The following ARHGEF12 variants were observed in gnomAD, a reference collection of about 807,000 sequenced individuals.
ARHGEF12 encodes the protein KMT2A/ARHGEF12 fusion protein.
In ARHGEF12, 66 loss-of-function variants were observed where a neutral mutation model predicts 211.2. The observed-to-expected ratio is 0.31, with a 90% CI of 0.26 to 0.38. The LOEUF is 0.38. Among genes scored for constraint, ARHGEF12 ranks in the 10% least tolerant of loss-of-function variants. The pLI, the probability that ARHGEF12 is intolerant of heterozygous loss-of-function variation, is 1.00. For synonymous variants in ARHGEF12, 592 were observed against 638.4 expected (o/e 0.93, Z 1.09); for missense variants, 1,429 against 1,869.5 (o/e 0.76, Z 4.34).
rs1947394538 is a variant in ARHGEF12 at position 120,486,265 on chromosome 11, G to A, written c.*1188G>A. On this transcript the variant is annotated 3_prime_UTR_variant, in exon 41 of 41. Coordinates refer to ENST00000397843, the MANE Select transcript of ARHGEF12 (RefSeq NM_015313.3). ...GTGCCAAAGGGCCCTGAGTCAAAAG[G>A]ATAGCCAAGGGTGGAGTGGAAAAAG... The A allele has an allele frequency of 8.6e-6, 2 of 233,330 alleles. No homozygotes were observed. The highest frequency in any genetic ancestry group is 2.2e-5 in the African/African-American group (1 of 45,336). The allele number at this position is 233,330 out of a possible 1,614,324, so 14.5% of individuals were successfully genotyped here.
intron 1 of ARHGEF12, chr11:120,365,677 A>C (rs1328241979): frequency 6.6e-6 from 1 of 152,200 alleles, no homozygotes; most frequent in Non-Finnish European, 1.5e-5. Flanking sequence ...TATGTCTGTG[A>C]AGACATGTTT....
chr11:120,450,237 C>A (rs1325942125), intron 21 of ARHGEF12: 1 of 152,012 alleles, frequency 6.6e-6, no homozygotes, highest in Admixed American at 6.6e-5. Flanking sequence ...AGCTGTGTAT[C>A]ATGGTGCATG....
chr11:120,347,192 C>CTTTCTTTCTT (rs2135275298), intron 1 of ARHGEF12, among the ~76,000 whole-genome samples: 1 of 135,330 alleles, frequency 7.4e-6, no homozygotes, highest in East Asian at 2.0e-4. Context: ...TCCTTTCTTT[C>CTTTCTTTCTT]TTTCTTTCTT....
At chr11:120,410,206 G>C (rs962427572) in intron 4 of ARHGEF12, 5 of 151,806 alleles carry the variant, frequency 3.3e-5, no homozygotes, top group African/African-American at 1.2e-4. Context: ...CCATGTTTGT[G>C]AAGTTCATAC....
chr11:120,465,395 A>G (rs1043940340), intron 28 of ARHGEF12, 33 bp downstream of exon 28: 43 of 1,611,914 alleles, frequency 2.7e-5, no homozygotes, highest in Non-Finnish European at 3.5e-5. Context: ...GAAAAAAAAT[A>G]AGGCAAGTTT....
chr11:120,385,514 G>A (rs1277830941), intron 1 of ARHGEF12: 10 of 984,834 alleles, frequency 1.0e-5, no homozygotes, highest in Non-Finnish European at 7.2e-6. Context: ...TTGTTTTCTG[G>A]GTCGTGTATA....
At chr11:120,380,461 A>G (rs1443033755) in intron 1 of ARHGEF12, among the ~76,000 whole-genome samples, 2 of 152,108 alleles carry the variant, frequency 1.3e-5, no homozygotes, top group African/African-American at 4.8e-5. Flanking sequence ...TTGGTTTGTG[A>G]CAGTTTCTCA....
intron 34 of ARHGEF12, 94 bp from the exon 35 acceptor site, chr11:120,477,125 A>T: frequency 4.9e-6 from 4 of 810,704 alleles, no homozygotes; most frequent in Non-Finnish European, 4.0e-6. Flanking sequence ...TTGTTGGTTG[A>T]TTTGGTTTTT....
intron 29 of ARHGEF12, among the ~76,000 whole-genome samples, chr11:120,468,169 C>A (rs930033055): frequency 1.3e-5 from 2 of 152,164 alleles, no homozygotes; most frequent in East Asian, 1.9e-4. Flanking sequence ...CTCAGCTGAG[C>A]TTTAGGTTCT....
At position 120,484,510 on chromosome 11, in the gene ARHGEF12, A is replaced by G. The variant is rs1357970393; in HGVS notation, c.4624+3A>G. The G allele has an allele frequency of 1.9e-6, 3 of 1,613,304 alleles. No homozygotes were observed. Among genetic ancestry groups the G allele is most frequent in the East Asian group, 2.2e-5 (1 of 44,892 alleles). On this transcript the variant is annotated splice_donor_region_variant and intron_variant, in intron 40 of 40. Transcript: ENST00000397843. ...AGCCCTCACAGACAAGCACTCAGGTATGTAAAAGTTATGAGTTCCAGACTC... is the reference window on the plus strand; with the variant it reads ...AGCCCTCACAGACAAGCACTCAGGTGTGTAAAAGTTATGAGTTCCAGACTC...
intron 1 of ARHGEF12, among the ~76,000 whole-genome samples, chr11:120,341,680 G>A (rs1172218748): frequency 6.6e-6 from 1 of 152,176 alleles, no homozygotes; most frequent in South Asian, 2.1e-4. Flanking sequence ...TATTAGAAAT[G>A]TTTCTTATAT....
intron 39 of ARHGEF12, among the ~76,000 whole-genome samples, chr11:120,482,080 A>G (rs185657983): frequency 6.6e-6 from 1 of 152,322 alleles, no homozygotes; most frequent in East Asian, 1.9e-4. Flanking sequence ...TCTTTTGACT[A>G]TCACAAGAGC....
intron 21 of ARHGEF12, chr11:120,449,560 G>A (rs568187512): frequency 1.1e-4 from 20 of 181,578 alleles, no homozygotes; most frequent in Non-Finnish European, 1.6e-4. Context: ...TTAGCCAGGC[G>A]TGGTGGCATG....
chr11:120,421,995 T>C (rs1277137551), intron 6 of ARHGEF12, 143 bp downstream of exon 6: 2 of 606,302 alleles, frequency 3.3e-6, no homozygotes, highest in Non-Finnish European at 5.7e-6. Flanking sequence ...CAAACTTATT[T>C]CATTTGTTTT....
Position 120,347,743 on chromosome 11 carries a change from A to G in ARHGEF12, c.32+10468A>G, listed in dbSNP as rs185708989. ...TATAACCAGTAAGTTTGTCATTTCC[A>G]TGGTTGTAGGGAATATGAGACATTC... On this transcript the variant is annotated intron_variant, in intron 1 of 40. Transcript: ENST00000397843. Among the ~76,000 whole-genome samples, 108 of 152,244 alleles carry G rather than the reference A, an allele frequency of 7.1e-4. 2 individuals are homozygous for G. The highest frequency in any genetic ancestry group is 6.0e-3 in the South Asian group (29 of 4,822).
intron 1 of ARHGEF12, among the ~76,000 whole-genome samples, chr11:120,389,506 G>A (rs1305302550): frequency 6.6e-6 from 1 of 151,992 alleles, no homozygotes; most frequent in African/African-American, 2.4e-5. Flanking sequence ...ATGTATTTAT[G>A]GATTACATCA....
chr11:120,354,281 G>A (rs1436838506), intron 1 of ARHGEF12, among the ~76,000 whole-genome samples: 1 of 152,110 alleles, frequency 6.6e-6, no homozygotes. Context: ...GAGTGGTTGG[G>A]TGAGTCAGGA....
At chr11:120,338,140 A>G (rs1353987161) in intron 1 of ARHGEF12, among the ~76,000 whole-genome samples, 2 of 152,228 alleles carry the variant, frequency 1.3e-5, no homozygotes, top group African/African-American at 4.8e-5. Context: ...TTCCTTGACC[A>G]CATTTCATTC....
At chr11:120,443,920 A>C (rs1945960450) in intron 15 of ARHGEF12, among the ~76,000 whole-genome samples, 1 of 152,242 alleles carries the variant, frequency 6.6e-6, no homozygotes, top group South Asian at 2.1e-4. Flanking sequence ...TGCATAGGTT[A>C]TATGCAAATA....
Sources: allele counts gnomAD v4.1 joint callset (sites outside exome capture counted in the v4.1 genomes callset), GRCh38; gene constraint gnomAD v4.1.1; transcripts MANE v1.5; gene names NCBI Gene and HGNC (gene_info 2026-07-23, HGNC 2026-07-21).